Variants in RAF1 observed in about 807,000 individuals in gnomAD.
The protein encoded by RAF1 is RAF proto-oncogene serine/threonine-protein kinase.
In RAF1, 27 loss-of-function variants were observed where a neutral mutation model predicts 81.1. The ratio of observed to expected loss-of-function variants is 0.33; its 90% CI spans 0.25 to 0.46. RAF1 has a LOEUF of 0.46. Among genes scored for constraint, RAF1 ranks in the 20% least tolerant of loss-of-function variants. The pLI is 1.00. For missense variants in RAF1, 598 were observed against 826.0 expected, an observed-to-expected ratio of 0.72 and a Z score of 3.38; for synonymous variants, 298 against 294.0, an observed-to-expected ratio of 1.01 and a Z score of -0.14.
intron 11 of RAF1, among the ~76,000 whole-genome samples, chr3:12,597,398 A>C (rs1282097644): frequency 6.6e-6 from 1 of 152,220 alleles, no homozygotes; most frequent in African/African-American, 2.4e-5. Flanking sequence ...GAGGAAAATT[A>C]AACTTGGGTA....
intron 14 of RAF1, 38 bp from the exon 14 acceptor site, chr3:12,585,837 G>A (rs2125326870): frequency 6.8e-7 from 1 of 1,474,260 alleles, no homozygotes; most frequent in Non-Finnish European, 9.5e-7. Flanking sequence ...CAAAAGAATG[G>A]TCAGGTTAAT....
chr3:12,649,510 GATCA>G (rs1307646172), intron 1 of RAF1, among the ~76,000 whole-genome samples: 1 of 151,654 alleles, frequency 6.6e-6, no homozygotes, highest in Non-Finnish European at 1.5e-5. Context: ...GAGGCGGGAG[GATCA>G]CTTGAGCACA....
chr3:12,605,915 A>G (rs1012262621), intron 6 of RAF1, among the ~76,000 whole-genome samples: 8 of 152,232 alleles, frequency 5.3e-5, no homozygotes, highest in Non-Finnish European at 1.0e-4. Context: ...CATACTGAGG[A>G]AAGCAGAATC....
In RAF1 at chr3:12,587,854, T is replaced by TTTTTTTTTTTTG. The variant is rs1553610554; in HGVS notation, c.1431-218_1431-217insCAAAAAAAAAAA. ...GCTTACACCTTTTTTTTTTTTTTTT[T>TTTTTTTTTTTTG]GGAGACTGGAGTGCAGTCAATAGCT... On this transcript the variant is annotated intron_variant, in intron 13 of 17. Coordinates refer to ENST00000442415, the MANE Select transcript of RAF1 (RefSeq NM_001354689.3). 1.5e-3 allele frequency: 644 copies of TTTTTTTTTTTTG among 432,490 alleles called. 33 individuals are homozygous for TTTTTTTTTTTTG. Among genetic ancestry groups the TTTTTTTTTTTTG allele is most frequent in the African/African-American group, 0.013 (609 of 45,984 alleles). 26.8% of individuals were successfully genotyped at this position (432,490 alleles called of 1,614,324 possible).
chr3:12,655,003 C>A (rs1304399917), intron 1 of RAF1, among the ~76,000 whole-genome samples: 3 of 145,134 alleles, frequency 2.1e-5, no homozygotes, highest in South Asian at 2.6e-4. Flanking sequence ...TAGTGAGACC[C>A]CCCCCCCGCC....
chr3:12,600,666 AT>A (rs972186054), intron 8 of RAF1, among the ~76,000 whole-genome samples: 2 of 152,200 alleles, frequency 1.3e-5, no homozygotes, highest in African/African-American at 4.8e-5. Flanking sequence ...GGTTCAAGCA[AT>A]TCTCCTGCCT....
intron 14 of RAF1, 80 bp from the exon 14 acceptor site, chr3:12,585,879 C>T (rs1173758509): frequency 2.3e-5 from 22 of 973,254 alleles, no homozygotes; most frequent in Non-Finnish European, 3.5e-5. Context: ...CTTTATAACA[C>T]GGTAATCTCT....
chr3:12,621,831 A>G (rs916571518), intron 1 of RAF1, among the ~76,000 whole-genome samples: 1 of 152,244 alleles, frequency 6.6e-6, no homozygotes, highest in African/African-American at 2.4e-5. Flanking sequence ...ACAAAAAATG[A>G]ACAAGTCTGA....
chr3:12,653,028 G>T (rs973558518), intron 1 of RAF1, among the ~76,000 whole-genome samples: 3 of 151,604 alleles, frequency 2.0e-5, no homozygotes, highest in African/African-American at 7.3e-5. Context: ...ATGCCTATAA[G>T]CCCAGCACTT....
chr3:12,658,944 G>C (rs960326197), intron 1 of RAF1, among the ~76,000 whole-genome samples: 3 of 152,108 alleles, frequency 2.0e-5, no homozygotes, highest in African/African-American at 7.2e-5. Context: ...TGAGATTCTA[G>C]GGGTCATTTT....
intron 2 of RAF1, among the ~76,000 whole-genome samples, chr3:12,613,305 G>A (rs1345628680): frequency 6.6e-6 from 1 of 152,150 alleles, no homozygotes; most frequent in Non-Finnish European, 1.5e-5. Context: ...AGTATGGCCA[G>A]CAAGGAGGGC....
intron 11 of RAF1, among the ~76,000 whole-genome samples, chr3:12,598,015 T>C (rs903120985): frequency 6.7e-6 from 1 of 148,860 alleles, no homozygotes; most frequent in African/African-American, 2.5e-5. Flanking sequence ...TTTTCCTTTT[T>C]TTTTTTTTTT....
intron 15 of RAF1, 151 bp downstream of exon 14, chr3:12,585,530 G>GA: frequency 7.1e-7 from 1 of 1,408,046 alleles, no homozygotes; most frequent in Non-Finnish European, 9.7e-7. Flanking sequence ...GCTTCCTCAA[G>GA]AAAATCTACA....
In RAF1 at chr3:12,613,402, C is replaced by T. The variant is rs115068732; in HGVS notation, c.208-1340G>A. On this transcript the variant is annotated intron_variant, in intron 2 of 17. Coordinates refer to ENST00000442415, the MANE Select transcript of RAF1 (RefSeq NM_001354689.3). The stretch of plus-strand genomic sequence containing the variant: ...TAACAGCTGACAGCAGCCAGCCAAC[C>T]GCTCCCCCACCCCGCCATCCCCCCC... 4.7e-3 allele frequency among the ~76,000 whole-genome samples: 717 copies of T among 152,056 alleles called. 6 individuals are homozygous for T. Among genetic ancestry groups the T allele is most frequent in the African/African-American group, 0.016 (679 of 41,420 alleles).
intron 1 of RAF1, among the ~76,000 whole-genome samples, chr3:12,627,769 G>T (rs573677751): frequency 6.6e-6 from 1 of 152,152 alleles, no homozygotes; most frequent in South Asian, 2.1e-4. Flanking sequence ...CTTCAAAGCC[G>T]TATCTTTCTA....
In RAF1 at chr3:12,655,114, C is replaced by T. The variant is rs377597353; in HGVS notation, c.-27+8699G>A. ...TATTTTATTTATTTATTTTTTGAGA[C>T]GAAGTCTCACTCTTGTGGAGTGCAA... On this transcript the variant is annotated intron_variant, in intron 1 of 17. Transcript: ENST00000442415. Among the ~76,000 whole-genome samples the T allele has an allele frequency of 4.4e-4, 67 of 151,860 alleles. 2 individuals carry two copies. The South Asian group carries it at 5.6e-3, about 13-fold the overall frequency.
intron 1 of RAF1, among the ~76,000 whole-genome samples, chr3:12,621,162 A>G (rs1304211851): frequency 6.6e-5 from 10 of 152,212 alleles, no homozygotes; most frequent in Admixed American, 6.5e-4. Flanking sequence ...CTTAATACTT[A>G]CAGTATTACT....
At chr3:12,647,244 T>C (rs890711412) in intron 1 of RAF1, among the ~76,000 whole-genome samples, 2 of 146,436 alleles carry the variant, frequency 1.4e-5, no homozygotes, top group East Asian at 2.0e-4. Flanking sequence ...TGCAGTGAGC[T>C]GAGATCGCGC....
chr3:12,663,201 G>C (rs2060935891), intron 1 of RAF1, among the ~76,000 whole-genome samples: 2 of 152,166 alleles, frequency 1.3e-5, no homozygotes, highest in South Asian at 4.1e-4. Flanking sequence ...TCACACAAAA[G>C]ACAGCCCTGG....
Sources: gnomAD v4.1 joint callset for allele counts (sites outside exome capture counted in the v4.1 genomes callset) on GRCh38, gnomAD v4.1.1 for gene constraint, MANE v1.5 for transcripts, NCBI Gene and HGNC (gene_info 2026-07-23, HGNC 2026-07-21) for gene names.